PNOC: variants seen among roughly 807,000 people sequenced by gnomAD.
PNOC encodes the protein prepronociceptin, also known as nociceptin.
A neutral mutation model predicts 15.6 loss-of-function variants in PNOC; 10 were observed. The observed-to-expected ratio is 0.64, with a 90% CI of 0.40 to 1.09. PNOC has a LOEUF of 1.09. PNOC is among the 50% of genes least tolerant of loss of function. The pLI is 0.01. For synonymous variants in PNOC, 98 were observed against 88.5 expected, an observed-to-expected ratio of 1.11 and a Z score of -0.60; for missense variants, 220 against 223.9, an observed-to-expected ratio of 0.98 and a Z score of 0.11.
intron 2 of PNOC, among the ~76,000 whole-genome samples, chr8:28,337,245 A>G (rs1234939890): frequency 6.6e-6 from 1 of 152,202 alleles, no homozygotes; most frequent in Non-Finnish European, 1.5e-5. Context: ...GGAAAACGGA[A>G]TGTTCTTCCC....
At chr8:28,325,030 G>A (rs1801202997) in intron 1 of PNOC, among the ~76,000 whole-genome samples, 1 of 152,150 alleles carries the variant, frequency 6.6e-6, no homozygotes, top group Non-Finnish European at 1.5e-5. Context: ...TTTTGCAGAT[G>A]AGGAAATGAG....
Position 28,339,355 on chromosome 8 carries a change from C to A in PNOC, c.442C>A (p.Arg148=). The change falls in exon 3 of 4, where the codon CGG becomes AGG. Residue 148 remains arginine (R), a synonymous_variant. Transcript: ENST00000301908. ...GGCCAGGAAGTTGGCCAATCAGAAG[C>A]GGTTCAGTGAGTTTATGAGGCAATA... ...KSARKLANQK[R]FSEFMRQYLV... 1 of 1,608,888 alleles carries A rather than the reference C, an allele frequency of 6.2e-7. No homozygotes were observed. Among genetic ancestry groups the A allele is most frequent in the Non-Finnish European group, 8.5e-7 (1 of 1,176,684 alleles).
At chr8:28,329,089 C>G in intron 1 of PNOC, 46 bp from the exon 2 acceptor site, 1 of 1,593,722 alleles carries the variant, frequency 6.3e-7, no homozygotes, top group Admixed American at 1.7e-5. Flanking sequence ...CTGAGCAGCC[C>G]TCCGAGAATG....
At chr8:28,334,526 G>T (rs79608624) in intron 2 of PNOC, among the ~76,000 whole-genome samples, 1,848 of 151,906 alleles carry the variant, frequency 0.012, 34 homozygotes, top group East Asian at 0.1. Context: ...AGACAGTCCC[G>T]TTCTGTCACC....
chr8:28,328,439 G>A lies in PNOC; in HGVS notation c.-23-696G>A, dbSNP rs1801262321. Among the ~76,000 whole-genome samples, 3 of 152,024 alleles carry A rather than the reference G, an allele frequency of 2.0e-5. No homozygotes were observed. The South Asian group carries it at 6.2e-4, about 32-fold the overall frequency. On this transcript the variant is annotated intron_variant, in intron 1 of 3. Transcript: ENST00000301908. ...TTAGGATTTCAACATAGGAATTTTA[G>A]GGAGACAGAGATAGACCATAGCACT...
intron 1 of PNOC, among the ~76,000 whole-genome samples, chr8:28,321,123 C>T (rs957180914): frequency 6.6e-6 from 1 of 151,724 alleles, no homozygotes; most frequent in African/African-American, 2.4e-5. Context: ...ACTGCAGACT[C>T]AACCTCCTGG....
intron 1 of PNOC, among the ~76,000 whole-genome samples, chr8:28,322,419 A>G (rs1801165288): frequency 6.6e-6 from 1 of 152,074 alleles, no homozygotes; most frequent in African/African-American, 2.4e-5. Context: ...GAAGTAAATA[A>G]AAAAGGTTGT....
chr8:28,322,990 G>C (rs1456796928), intron 1 of PNOC, among the ~76,000 whole-genome samples: 2 of 152,238 alleles, frequency 1.3e-5, no homozygotes, highest in Non-Finnish European at 2.9e-5. Flanking sequence ...TGATGAAAAG[G>C]ATGGAGGTGT....
At chr8:28,335,614 G>T (rs1017186671) in intron 2 of PNOC, among the ~76,000 whole-genome samples, 1 of 151,990 alleles carries the variant, frequency 6.6e-6, no homozygotes, top group Non-Finnish European at 1.5e-5. Flanking sequence ...CACAACCTCC[G>T]CCTCCCAGGT....
At chr8:28,338,694 G>T (rs1801456099) in intron 2 of PNOC, 1 of 1,031,664 alleles carries the variant, frequency 9.7e-7, no homozygotes, top group African/African-American at 1.7e-5. Context: ...AGCTGTGCTT[G>T]GCTCCAAAAA....
At chr8:28,330,338 T>C (rs902478743) in intron 2 of PNOC, among the ~76,000 whole-genome samples, 31 of 151,888 alleles carry the variant, frequency 2.0e-4, no homozygotes, top group African/African-American at 7.3e-4. Context: ...TGTAATTTGT[T>C]TAACCACTGA....
intron 2 of PNOC, among the ~76,000 whole-genome samples, chr8:28,333,410 G>A (rs2722932): frequency 3.2e-4 from 49 of 152,306 alleles, no homozygotes; most frequent in South Asian, 1.9e-3. Flanking sequence ...CTGCCAAAAC[G>A]TGTCCAGCTC....
intron 2 of PNOC, among the ~76,000 whole-genome samples, chr8:28,335,302 A>G (rs577523014): frequency 6.6e-6 from 1 of 152,360 alleles, no homozygotes; most frequent in South Asian, 2.1e-4. Context: ...GCCACAAGGC[A>G]TCTTTGAGTT....
intron 1 of PNOC, among the ~76,000 whole-genome samples, chr8:28,321,823 C>T (rs1801156668): frequency 6.6e-6 from 1 of 152,200 alleles, no homozygotes; most frequent in Non-Finnish European, 1.5e-5. Context: ...TTTCCTCCAC[C>T]TCCTCTATGC....
chr8:28,322,429 T>C (rs1051662505), intron 1 of PNOC, among the ~76,000 whole-genome samples: 1 of 152,040 alleles, frequency 6.6e-6, no homozygotes, highest in African/African-American at 2.4e-5. Context: ...AAAAAGGTTG[T>C]CATCAGACAG....
At chr8:28,317,683 G>T (rs1801081504) in intron 1 of PNOC, among the ~76,000 whole-genome samples, 1 of 152,078 alleles carries the variant, frequency 6.6e-6, no homozygotes. Context: ...TTGGGAGGGG[G>T]TTTGCCTTCC....
At chr8:28,327,900 C>G (rs1801251975) in intron 1 of PNOC, among the ~76,000 whole-genome samples, 1 of 151,978 alleles carries the variant, frequency 6.6e-6, no homozygotes, top group African/African-American at 2.4e-5. Flanking sequence ...TGGTGAAGGT[C>G]TATTCCTGGC....
intron 1 of PNOC, among the ~76,000 whole-genome samples, chr8:28,318,687 G>A (rs1441491313): frequency 6.6e-6 from 1 of 152,110 alleles, no homozygotes; most frequent in African/African-American, 2.4e-5. Flanking sequence ...TGCAGAGGAG[G>A]GTCCCTGGAA....
At chr8:28,326,038 G>A (rs1462553215) in intron 1 of PNOC, among the ~76,000 whole-genome samples, 2 of 152,082 alleles carry the variant, frequency 1.3e-5, no homozygotes, top group Non-Finnish European at 2.9e-5. Context: ...TTCATTATTT[G>A]TTTCAAAACC....
Sources: gnomAD v4.1 joint callset for allele counts (sites outside exome capture counted in the v4.1 genomes callset) on GRCh38, gnomAD v4.1.1 for gene constraint, MANE v1.5 for transcripts, NCBI Gene and HGNC (gene_info 2026-07-23, HGNC 2026-07-21) for gene names.